The following ADARB2 variants were observed in gnomAD, a reference collection of about 807,000 sequenced individuals.
ADARB2 encodes adenosine deaminase RNA specific B2 (inactive), also known as inactive double-stranded RNA-specific editase B2.
A neutral mutation model predicts 62.2 loss-of-function variants in ADARB2; 25 were observed. That is an observed-to-expected ratio of 0.40 (90% CI 0.29 to 0.56). ADARB2 has a LOEUF of 0.56. Among genes scored for constraint, ADARB2 ranks in the 20% least tolerant of loss-of-function variants. The pLI is 0.43. For missense variants in ADARB2, 1,071 were observed against 1,077.4 expected (o/e 0.99, Z 0.08); for synonymous variants, 572 against 500.8 (o/e 1.14, Z -1.90).
At chr10:1,250,311 G>A (rs983007292) in intron 4 of ADARB2, among the ~76,000 whole-genome samples, 1 of 152,052 alleles carries the variant, frequency 6.6e-6, no homozygotes, top group African/African-American at 2.4e-5. Flanking sequence ...CGGTGTTGGG[G>A]GGTGATGGGA....
At chr10:1,462,075 A>G (rs1430744885) in intron 1 of ADARB2, among the ~76,000 whole-genome samples, 2 of 152,210 alleles carry the variant, frequency 1.3e-5, no homozygotes, top group Non-Finnish European at 2.9e-5. Context: ...TATTTTCCCA[A>G]GCAAAATGCT....
intron 1 of ADARB2, among the ~76,000 whole-genome samples, chr10:1,507,501 G>T (rs991242188): frequency 1.3e-5 from 2 of 152,250 alleles, no homozygotes; most frequent in African/African-American, 4.8e-5. Flanking sequence ...TCCCTTCTGA[G>T]TGCTTCCTTT....
intron 1 of ADARB2, among the ~76,000 whole-genome samples, chr10:1,418,860 G>A (rs1193225081): frequency 6.6e-6 from 1 of 152,106 alleles, no homozygotes; most frequent in Non-Finnish European, 1.5e-5. Flanking sequence ...TTTGTCAGTT[G>A]TCTTGGAAAA....
At chr10:1,323,465 G>A (rs2131828647) in intron 3 of ADARB2, among the ~76,000 whole-genome samples, 1 of 152,206 alleles carries the variant, frequency 6.6e-6, no homozygotes, top group Middle Eastern at 3.4e-3. Context: ...ACATAGACAA[G>A]CTTATTCTAA....
chr10:1,383,543 C>T (rs1382797157), intron 1 of ADARB2, among the ~76,000 whole-genome samples: 1 of 152,096 alleles, frequency 6.6e-6, no homozygotes, highest in African/African-American at 2.4e-5. Context: ...TCATCGCCTT[C>T]CCCAGAATGC....
intron 3 of ADARB2, among the ~76,000 whole-genome samples, chr10:1,295,688 T>C (rs1419790834): frequency 6.6e-6 from 1 of 152,138 alleles, no homozygotes; most frequent in African/African-American, 2.4e-5. Flanking sequence ...GCATGAAGGG[T>C]CTCATTAAGA....
intron 1 of ADARB2, among the ~76,000 whole-genome samples, chr10:1,732,744 A>G (rs965524316): frequency 6.6e-5 from 10 of 152,308 alleles, no homozygotes; most frequent in Non-Finnish European, 1.3e-4. Flanking sequence ...GTAGCATTGC[A>G]GGGGCTGCGG....
At chr10:1,508,073 G>A (rs745788206) in intron 1 of ADARB2, among the ~76,000 whole-genome samples, 3 of 152,206 alleles carry the variant, frequency 2.0e-5, no homozygotes. Context: ...TTCCCGAGTG[G>A]TGCGTTCATC....
chr10:1,616,093 T>G (rs1036842186), intron 1 of ADARB2, among the ~76,000 whole-genome samples: 2 of 152,232 alleles, frequency 1.3e-5, no homozygotes, highest in Non-Finnish European at 2.9e-5. Flanking sequence ...CTTTGTGCCC[T>G]CCTTCAGAAG....
At chr10:1,348,711 C>G (rs752661223) in intron 3 of ADARB2, among the ~76,000 whole-genome samples, 2 of 152,164 alleles carry the variant, frequency 1.3e-5, no homozygotes, top group Admixed American at 6.5e-5. Flanking sequence ...GTCCAGGTCC[C>G]GACTGCTGGC....
intron 1 of ADARB2, among the ~76,000 whole-genome samples, chr10:1,573,338 C>T (rs1832965917): frequency 6.6e-6 from 1 of 152,196 alleles, no homozygotes; most frequent in South Asian, 2.1e-4. Context: ...CCATGTGCAC[C>T]AGCTGTCAAT....
intron 1 of ADARB2, among the ~76,000 whole-genome samples, chr10:1,600,722 T>C (rs1053613442): frequency 1.3e-5 from 2 of 150,064 alleles, no homozygotes; most frequent in Non-Finnish European, 3.0e-5. Flanking sequence ...ATTTATTATG[T>C]AATAGCTGCT....
chr10:1,312,798 T>C (rs1233219558), intron 3 of ADARB2, among the ~76,000 whole-genome samples: 3 of 152,242 alleles, frequency 2.0e-5, no homozygotes, highest in African/African-American at 7.2e-5. Context: ...TGCACACAGC[T>C]GCCATGCAGT....
chr10:1,577,705 A>G (rs1833040153), intron 1 of ADARB2, among the ~76,000 whole-genome samples: 3 of 152,196 alleles, frequency 2.0e-5, no homozygotes, highest in African/African-American at 7.2e-5. Flanking sequence ...CGCACACGAC[A>G]CACAGGGAGC....
chr10:1,559,014 G>A (rs545419927), intron 1 of ADARB2, among the ~76,000 whole-genome samples: 65 of 152,350 alleles, frequency 4.3e-4, no homozygotes, highest in Admixed American at 1.2e-3. Context: ...TGCTTTTGAG[G>A]CTTGGGAAAG....
intron 1 of ADARB2, among the ~76,000 whole-genome samples, chr10:1,616,921 G>A (rs945761104): frequency 2.7e-5 from 4 of 148,844 alleles, no homozygotes; most frequent in Admixed American, 6.7e-5. Flanking sequence ...TTGTGTGCCC[G>A]TCCAGACACA....
chr10:1,529,053 ACAAATCCTC>A (rs1172182005), intron 1 of ADARB2, among the ~76,000 whole-genome samples: 1 of 150,306 alleles, frequency 6.7e-6, no homozygotes, highest in Non-Finnish European at 1.5e-5. Flanking sequence ...CACCACCCCA[ACAAATCCTC>A]CAATCAGTCC....
intron 3 of ADARB2, among the ~76,000 whole-genome samples, chr10:1,348,539 G>A (rs552851711): frequency 1.3e-4 from 20 of 152,272 alleles, no homozygotes; most frequent in Non-Finnish European, 2.1e-4. Flanking sequence ...TGCCTCCCTC[G>A]GCTGCCTCCA....
At chr10:1,493,519 G>C (rs940073390) in intron 1 of ADARB2, among the ~76,000 whole-genome samples, 1 of 152,034 alleles carries the variant, frequency 6.6e-6, no homozygotes, top group Non-Finnish European at 1.5e-5. Flanking sequence ...ATCAGAAAGT[G>C]CAAGTTCACA....
Sources: allele counts gnomAD v4.1 joint callset (sites outside exome capture counted in the v4.1 genomes callset), GRCh38; gene constraint gnomAD v4.1.1; transcripts MANE v1.5; gene names NCBI Gene and HGNC (gene_info 2026-07-23, HGNC 2026-07-21).